Variants in PAK5 observed in about 807,000 individuals in gnomAD.
PAK5 encodes the protein p21 (RAC1) activated kinase 5.
In PAK5, 16 loss-of-function variants were observed where a neutral mutation model predicts 65.9. The ratio of observed to expected loss-of-function variants is 0.24; its 90% CI spans 0.16 to 0.37. PAK5 has a LOEUF of 0.37. PAK5 is among the 10% of genes least tolerant of loss of function. The pLI is 1.00. For synonymous variants in PAK5, 371 were observed against 354.9 expected, an observed-to-expected ratio of 1.05 and a Z score of -0.51; for missense variants, 785 against 903.9, an observed-to-expected ratio of 0.87 and a Z score of 1.69.
intron 2 of PAK5, among the ~76,000 whole-genome samples, chr20:9,660,699 C>T (rs1202591161): frequency 1.3e-5 from 2 of 151,882 alleles, no homozygotes; most frequent in Non-Finnish European, 2.9e-5. Context: ...GAAAGGATAC[C>T]GTTCATTAGA....
chr20:9,640,118 C>T (rs1412047533), intron 3 of PAK5, among the ~76,000 whole-genome samples: 1 of 151,814 alleles, frequency 6.6e-6, no homozygotes, highest in Non-Finnish European at 1.5e-5. Context: ...AGGTTTGTTA[C>T]ATATATATAC....
At chr20:9,593,362 T>A (rs1023199125) in intron 3 of PAK5, among the ~76,000 whole-genome samples, 2 of 152,008 alleles carry the variant, frequency 1.3e-5, no homozygotes, top group Non-Finnish European at 2.9e-5. Context: ...TCTTTACCAA[T>A]CCCACCAGTG....
chr20:9,777,433 G>A (rs74974343), intron 1 of PAK5, among the ~76,000 whole-genome samples: 4,278 of 152,252 alleles, frequency 0.028, 167 homozygotes, highest in African/African-American at 0.081. Flanking sequence ...ATACAGGGCA[G>A]TTCCCCTGGC....
intron 2 of PAK5, among the ~76,000 whole-genome samples, chr20:9,649,546 A>G (rs986970277): frequency 1.3e-5 from 2 of 152,262 alleles, no homozygotes; most frequent in South Asian, 4.1e-4. Flanking sequence ...TCTCAGGGAC[A>G]GCCCAGCTTT....
intron 1 of PAK5, among the ~76,000 whole-genome samples, chr20:9,781,135 T>C (rs1366068548): frequency 6.6e-6 from 1 of 152,218 alleles, no homozygotes; most frequent in Admixed American, 6.5e-5. Flanking sequence ...CTCTTCTTTT[T>C]AGAGTATTAA....
intron 7 of PAK5, among the ~76,000 whole-genome samples, chr20:9,547,733 G>T (rs1458345645): frequency 2.0e-5 from 3 of 152,176 alleles, no homozygotes; most frequent in Admixed American, 6.5e-5. Flanking sequence ...CCAAGGTCTT[G>T]TTACTTAAAG....
intron 9 of PAK5, among the ~76,000 whole-genome samples, chr20:9,542,074 T>C (rs922791490): frequency 2.0e-5 from 3 of 152,212 alleles, no homozygotes; most frequent in African/African-American, 7.2e-5. Flanking sequence ...TACAACCAGC[T>C]TTCAATCCCT....
chr20:9,694,148 T>C (rs1464381186), intron 2 of PAK5, among the ~76,000 whole-genome samples: 6 of 152,122 alleles, frequency 3.9e-5, no homozygotes, highest in Non-Finnish European at 8.8e-5. Context: ...ATGAGGAATT[T>C]AAGATAAATA....
At chr20:9,818,008 T>C (rs995511057) in intron 1 of PAK5, among the ~76,000 whole-genome samples, 11 of 152,202 alleles carry the variant, frequency 7.2e-5, no homozygotes, top group East Asian at 1.9e-4. Flanking sequence ...ACTCCTTCTG[T>C]TGTAAAATCA....
At chr20:9,562,802 C>T in intron 6 of PAK5, 89 bp downstream of exon 6, 1 of 1,234,280 alleles carries the variant, frequency 8.1e-7, no homozygotes, top group South Asian at 1.4e-5. Context: ...AAAGTGCCTG[C>T]AATTTATGAA....
chr20:9,664,069 G>A (rs2047380966), intron 2 of PAK5, among the ~76,000 whole-genome samples: 1 of 152,122 alleles, frequency 6.6e-6, no homozygotes, highest in African/African-American at 2.4e-5. Context: ...CCTCATGATG[G>A]GGGATTTTAT....
intron 3 of PAK5, among the ~76,000 whole-genome samples, chr20:9,632,378 G>GCA (rs2046933435): frequency 6.6e-6 from 1 of 152,092 alleles, no homozygotes; most frequent in Non-Finnish European, 1.5e-5. Flanking sequence ...GGAATGAGTG[G>GCA]CACACGTTTG....
chr20:9,672,163 A>G (rs1199937367), intron 2 of PAK5, among the ~76,000 whole-genome samples: 2 of 151,940 alleles, frequency 1.3e-5, no homozygotes, highest in Admixed American at 1.3e-4. Flanking sequence ...CAGCCTAGGA[A>G]CTAACGCATC....
At position 9,558,958 on chromosome 20, in the gene PAK5, A is replaced by G. The variant is rs1431323844; in HGVS notation, c.1617-1224T>C. Among the ~76,000 whole-genome samples, 6 of 152,280 alleles carry G rather than the reference A, an allele frequency of 3.9e-5. No individual in the cohort carries two copies. The South Asian group carries it at 1.0e-3, about 26-fold the overall frequency. ...CTAAGAAATGGCCAGGTCATGATTC[A>G]AACCCCACCTCTTTTTTAGTCCAGA... On this transcript the variant is annotated intron_variant, in intron 6 of 9. Transcript: ENST00000353224.
chr20:9,553,951 C>T (rs539107538), intron 7 of PAK5, among the ~76,000 whole-genome samples: 218 of 152,236 alleles, frequency 1.4e-3, no homozygotes, highest in Non-Finnish European at 2.5e-3. Context: ...GTGGCTGTGC[C>T]ATTTTAAGTT....
intron 1 of PAK5, among the ~76,000 whole-genome samples, chr20:9,807,335 A>G (rs944953533): frequency 1.3e-5 from 2 of 152,078 alleles, no homozygotes; most frequent in Non-Finnish European, 2.9e-5. Flanking sequence ...CTCCCTTTTA[A>G]CAGCTGGTGC....
intron 3 of PAK5, among the ~76,000 whole-genome samples, chr20:9,591,481 T>C (rs2046169887): frequency 6.6e-6 from 1 of 152,090 alleles, no homozygotes; most frequent in East Asian, 1.9e-4. Flanking sequence ...AGAAAGGATG[T>C]TCAAAACTCA....
At chr20:9,666,157 G>C (rs1424670513) in intron 2 of PAK5, among the ~76,000 whole-genome samples, 2 of 152,084 alleles carry the variant, frequency 1.3e-5, no homozygotes, top group Non-Finnish European at 2.9e-5. Flanking sequence ...CAGAATAACA[G>C]AAATGAGAAA....
At chr20:9,546,820 A>C (rs748663264) in intron 7 of PAK5, among the ~76,000 whole-genome samples, 1 of 152,168 alleles carries the variant, frequency 6.6e-6, no homozygotes, top group Non-Finnish European at 1.5e-5. Flanking sequence ...AGTCAGGTAG[A>C]TTTCAGTCAG....
Sources: gnomAD v4.1 joint callset for allele counts (sites outside exome capture counted in the v4.1 genomes callset) on GRCh38, gnomAD v4.1.1 for gene constraint, MANE v1.5 for transcripts, NCBI Gene and HGNC (gene_info 2026-07-23, HGNC 2026-07-21) for gene names.